Variants in MALRD1 observed in about 807,000 individuals in gnomAD.
The protein encoded by MALRD1 is MAM and LDL receptor class A domain containing 1, also known as MAM and LDL-receptor class A domain-containing protein 1.
Under a neutral mutation model 242.1 loss-of-function variants are expected in MALRD1, and 247 were observed. That is an observed-to-expected ratio of 1.02 (90% CI 0.92 to 1.13). MALRD1 has a LOEUF of 1.13. Among genes scored for constraint, MALRD1 ranks in the 50% most tolerant of loss-of-function variants. The pLI is 0.00. For missense variants in MALRD1, 2,989 were observed against 2,533.1 expected (o/e 1.18, Z -3.86); for synonymous variants, 995 against 866.6 (o/e 1.15, Z -2.60).
chr10:19,496,412 A>G (rs1837723515), intron 30 of MALRD1, among the ~76,000 whole-genome samples: 1 of 152,226 alleles, frequency 6.6e-6, no homozygotes, highest in Admixed American at 6.5e-5. Context: ...ATCTCTCAAA[A>G]CAACACATTT....
At chr10:19,274,562 C>G (rs1238043076) in intron 19 of MALRD1, among the ~76,000 whole-genome samples, 1 of 152,212 alleles carries the variant, frequency 6.6e-6, no homozygotes. Context: ...GGCCAGACAC[C>G]ACTTCTGCTG....
chr10:19,550,207 G>GC (rs745530556), intron 32 of MALRD1, among the ~76,000 whole-genome samples: 1 of 151,908 alleles, frequency 6.6e-6, no homozygotes, highest in East Asian at 1.9e-4. Flanking sequence ...TCTAAGATTT[G>GC]TTTTTTATAA....
At chr10:19,594,170 C>T (rs1423121262) in intron 33 of MALRD1, among the ~76,000 whole-genome samples, 1 of 152,168 alleles carries the variant, frequency 6.6e-6, no homozygotes, top group Non-Finnish European at 1.5e-5. Context: ...CAATTTACTG[C>T]ATGAAAGTAT....
At chr10:19,503,637 C>T (rs1186665408) in intron 31 of MALRD1, among the ~76,000 whole-genome samples, 4 of 152,222 alleles carry the variant, frequency 2.6e-5, no homozygotes, top group Admixed American at 6.5e-5. Context: ...TCCCTTCCTT[C>T]ATAACTTTAT....
chr10:19,555,332 C>T lies in MALRD1; in HGVS notation c.5479-12170C>T, dbSNP rs1035939022. On this transcript the variant is annotated intron_variant, in intron 32 of 39. Coordinates refer to ENST00000454679, the MANE Select transcript of MALRD1 (RefSeq NM_001142308.3). ...TTGGAGGGGACAAACATCTAAACCC[C>T]ATCAAAAGTAAAGTAGCGTAGGAGG... 2.6e-5 allele frequency among the ~76,000 whole-genome samples: 4 copies of T among 152,154 alleles called. No individual in the cohort carries two copies. In the South Asian group the frequency reaches 8.3e-4, roughly 32 times the overall value.
At chr10:19,575,794 G>A (rs1856409) in intron 33 of MALRD1, among the ~76,000 whole-genome samples, 14,895 of 152,020 alleles carry the variant, frequency 0.098, 2,229 homozygotes, top group African/African-American at 0.32. Context: ...TCTTCTCCCA[G>A]TTTCTTTTTA....
chr10:19,536,859 A>T (rs1438872737), intron 32 of MALRD1, among the ~76,000 whole-genome samples: 1 of 152,188 alleles, frequency 6.6e-6, no homozygotes, highest in Admixed American at 6.5e-5. Context: ...ACTGGAGCAA[A>T]TAAGAAAGTT....
At chr10:19,650,814 G>A (rs117714333) in intron 36 of MALRD1, among the ~76,000 whole-genome samples, 4,118 of 152,190 alleles carry the variant, frequency 0.027, 63 homozygotes, top group Middle Eastern at 0.044. Flanking sequence ...CAGGCTCTCC[G>A]AGCTGCCTCC....
At chr10:19,399,998 G>A (rs1729791367) in intron 28 of MALRD1, among the ~76,000 whole-genome samples, 1 of 152,076 alleles carries the variant, frequency 6.6e-6, no homozygotes, top group Non-Finnish European at 1.5e-5. Flanking sequence ...CTTTAATTTA[G>A]GATTACAACT....
At position 19,635,562 on chromosome 10, in the gene MALRD1, G is replaced by GA. The variant is rs199908404; in HGVS notation, c.6137+19642dup. Among the ~76,000 whole-genome samples, 393 of 152,018 alleles carry GA rather than the reference G, an allele frequency of 2.6e-3. 6 individuals carry two copies. In the East Asian group the frequency reaches 0.058, roughly 22 times the overall value. ...AGGAATTCACTCAGAATGCAACACGGAAAGAAAAAAAGATTAAAAAATACA... is the reference window on the plus strand; with the variant it reads ...AGGAATTCACTCAGAATGCAACACGGAAAAGAAAAAAAGATTAAAAAATACA... On this transcript the variant is annotated intron_variant, in intron 36 of 39. Coordinates refer to ENST00000454679, the MANE Select transcript of MALRD1 (RefSeq NM_001142308.3).
intron 31 of MALRD1, among the ~76,000 whole-genome samples, chr10:19,523,898 TA>T (rs1229383115): frequency 4.6e-5 from 7 of 152,146 alleles, no homozygotes; most frequent in Non-Finnish European, 1.0e-4. Context: ...GACATTCTGG[TA>T]AAAAAGTGTT....
Position 19,498,496 on chromosome 10 carries a change from A to G in MALRD1, c.5170A>G (p.Ser1724Gly). 6.5e-7 allele frequency: 1 copy of G among 1,550,046 alleles called. No homozygotes were observed. The highest frequency in any genetic ancestry group is 8.7e-7 in the Non-Finnish European group (1 of 1,146,602). The change falls in exon 31 of 40, where the codon AGC becomes GGC. Residue 1724 changes from serine to glycine, a missense_variant. Ser to Gly is a moderately conservative substitution (Grantham distance 56). Coordinates refer to ENST00000454679, the MANE Select transcript of MALRD1 (RefSeq NM_001142308.3). ...SDEAHCAHYT[S>G]TTGSCNFETS... ...TTTTGCTTCCCCAGCACATTATACA[A>G]GCACAACAGGAAGCTGCAATTTTGA... is the stretch of plus-strand genomic sequence containing the variant.
chr10:19,085,391 G>C (rs1363690044), intron 2 of MALRD1, among the ~76,000 whole-genome samples: 5 of 151,804 alleles, frequency 3.3e-5, no homozygotes, highest in African/African-American at 1.2e-4. Context: ...GTAAAATGAA[G>C]TACACACTAA....
chr10:19,440,913 C>T (rs1466473561), intron 28 of MALRD1, among the ~76,000 whole-genome samples: 1 of 151,978 alleles, frequency 6.6e-6, no homozygotes, highest in African/African-American at 2.4e-5. Context: ...CTTGAGGAAT[C>T]ACCACACTGA....
rs561898676 is a variant in MALRD1 at position 19,384,092 on chromosome 10, G to T, written c.4442-3436G>T. Among the ~76,000 whole-genome samples the T allele has an allele frequency of 2.0e-5, 3 of 151,260 alleles. No homozygotes were observed. In the East Asian group the frequency reaches 5.8e-4, roughly 29 times the overall value. ...GAGCATGGTGTGAGATGATATTGTGGTTTGCATTTGCATTCCTCTGATGAT... is the reference window on the plus strand; with the variant it reads ...GAGCATGGTGTGAGATGATATTGTGTTTTGCATTTGCATTCCTCTGATGAT... On this transcript the variant is annotated intron_variant, in intron 26 of 39. Transcript: ENST00000454679.
intron 13 of MALRD1, among the ~76,000 whole-genome samples, 174 bp from the exon 14 acceptor site, chr10:19,175,034 A>G (rs1835172525): frequency 6.6e-6 from 1 of 152,150 alleles, no homozygotes; most frequent in South Asian, 2.1e-4. Flanking sequence ...GATGCTGTCA[A>G]AGCAGTTATG....
chr10:19,496,493 C>A (rs56702710), intron 30 of MALRD1, among the ~76,000 whole-genome samples: 5,347 of 152,192 alleles, frequency 0.035, 180 homozygotes, highest in African/African-American at 0.088. Context: ...GAAATCAAGA[C>A]ATTTTTTGAA....
At chr10:19,453,858 T>C (rs953892218) in intron 29 of MALRD1, among the ~76,000 whole-genome samples, 2 of 150,222 alleles carry the variant, frequency 1.3e-5, no homozygotes, top group Non-Finnish European at 3.0e-5. Flanking sequence ...GCTAGGGTGA[T>C]GGAGCAAGAC....
chr10:19,367,217 T>TATTA, intron 26 of MALRD1, among the ~76,000 whole-genome samples: 1 of 152,058 alleles, frequency 6.6e-6, no homozygotes, highest in Non-Finnish European at 1.5e-5. Flanking sequence ...TTACTCCTTC[T>TATTA]CTCTAGCTGT....
Sources: allele counts gnomAD v4.1 joint callset (sites outside exome capture counted in the v4.1 genomes callset), GRCh38; gene constraint gnomAD v4.1.1; transcripts MANE v1.5; gene names NCBI Gene and HGNC (gene_info 2026-07-23, HGNC 2026-07-21).